The following FAF1 variants were observed in gnomAD, a reference collection of about 807,000 sequenced individuals.
FAF1 encodes FAS-associated factor 1.
A neutral mutation model predicts 92.5 loss-of-function variants in FAF1; 25 were observed. That is an observed-to-expected ratio of 0.27 (90% CI 0.20 to 0.38). FAF1 has a LOEUF of 0.38. Ranked by LOEUF, FAF1 falls within the 10% of genes least tolerant of loss-of-function variation. FAF1 has a pLI of 1.00. For missense variants in FAF1, 636 were observed against 793.3 expected (o/e 0.80, Z 2.38); for synonymous variants, 234 against 273.2 (o/e 0.86, Z 1.42).
At chr1:50,452,614 T>C (rs1646307550) in intron 18 of FAF1, among the ~76,000 whole-genome samples, 1 of 152,170 alleles carries the variant, frequency 6.6e-6, no homozygotes, top group African/African-American at 2.4e-5. Flanking sequence ...TGCTAACCAC[T>C]GTGTTTGGAA....
chr1:50,657,575 C>T (rs985363313), intron 7 of FAF1, among the ~76,000 whole-genome samples: 1 of 152,098 alleles, frequency 6.6e-6, no homozygotes, highest in South Asian at 2.1e-4. Flanking sequence ...AAACAAAACC[C>T]AAAAACTTCA....
intron 1 of FAF1, among the ~76,000 whole-genome samples, chr1:50,918,178 T>C (rs1644934907): frequency 6.6e-6 from 1 of 151,528 alleles, no homozygotes; most frequent in African/African-American, 2.4e-5. Context: ...AAATTTCTTT[T>C]TTTTTTTTTT....
At chr1:50,894,581 C>A (rs940060829) in intron 1 of FAF1, among the ~76,000 whole-genome samples, 1 of 151,282 alleles carries the variant, frequency 6.6e-6, no homozygotes, top group Non-Finnish European at 1.5e-5. Context: ...CTCATTAGCA[C>A]ATAAATCATT....
intron 18 of FAF1, among the ~76,000 whole-genome samples, chr1:50,465,120 G>A (rs374243594): frequency 2.0e-5 from 3 of 152,234 alleles, no homozygotes; most frequent in South Asian, 2.1e-4. Flanking sequence ...AATCACTACC[G>A]TCACATTTAA....
At chr1:50,956,641 C>T (rs1645269199) in intron 1 of FAF1, among the ~76,000 whole-genome samples, 1 of 152,170 alleles carries the variant, frequency 6.6e-6, no homozygotes, top group Admixed American at 6.5e-5. Flanking sequence ...AAGTCTTAAG[C>T]TGCAATCCTT....
At chr1:50,646,787 C>G (rs965839918) in intron 8 of FAF1, among the ~76,000 whole-genome samples, 8 of 152,186 alleles carry the variant, frequency 5.3e-5, no homozygotes, top group African/African-American at 1.7e-4. Context: ...AGGGCCAGCA[C>G]AGTTACTGGC....
intron 16 of FAF1, 145 bp downstream of exon 16, chr1:50,491,576 T>G (rs1281472581): frequency 3.5e-6 from 2 of 573,474 alleles, no homozygotes; most frequent in Non-Finnish European, 6.2e-6. Context: ...TTAATAACCA[T>G]GGATAGGATT....
chr1:50,679,414 T>G (rs1285993649), intron 7 of FAF1, among the ~76,000 whole-genome samples: 2 of 150,210 alleles, frequency 1.3e-5, no homozygotes, highest in Non-Finnish European at 3.0e-5. Flanking sequence ...GTAACCCTAT[T>G]AAATAGATGG....
chr1:50,935,355 G>T (rs1645077586), intron 1 of FAF1, among the ~76,000 whole-genome samples: 1 of 152,062 alleles, frequency 6.6e-6, no homozygotes, highest in Non-Finnish European at 1.5e-5. Flanking sequence ...TAGATAACTT[G>T]ACTAGCATGT....
chr1:50,644,293 A>G (rs373136849), intron 8 of FAF1, among the ~76,000 whole-genome samples: 3 of 152,360 alleles, frequency 2.0e-5, no homozygotes, highest in East Asian at 1.9e-4. Flanking sequence ...TGCCCTGTGT[A>G]TTCACTGAGG....
At chr1:50,895,803 G>A (rs1450408338) in intron 1 of FAF1, among the ~76,000 whole-genome samples, 1 of 151,946 alleles carries the variant, frequency 6.6e-6, no homozygotes, top group Non-Finnish European at 1.5e-5. Context: ...TATGTTCACT[G>A]CAATAGATAC....
chr1:50,640,087 T>A (rs1358158075), intron 8 of FAF1, among the ~76,000 whole-genome samples: 1 of 152,186 alleles, frequency 6.6e-6, no homozygotes, highest in Non-Finnish European at 1.5e-5. Context: ...TGTGTTAAAA[T>A]TTTTAACATG....
intron 1 of FAF1, among the ~76,000 whole-genome samples, chr1:50,894,877 G>A (rs143068569): frequency 3.9e-5 from 6 of 152,238 alleles, no homozygotes. Flanking sequence ...GCAAAAGCAA[G>A]AGGGAAGTAC....
At chr1:50,698,005 A>T (rs1657307025) in intron 7 of FAF1, among the ~76,000 whole-genome samples, 1 of 152,334 alleles carries the variant, frequency 6.6e-6, no homozygotes, top group Admixed American at 6.5e-5. Context: ...AAGAGGTTGT[A>T]ACCAAATAAC....
chr1:50,931,888 A>AAATAATAAT (rs201964842), intron 1 of FAF1, among the ~76,000 whole-genome samples: 3,796 of 129,344 alleles, frequency 0.029, 67 homozygotes, highest in East Asian at 0.056. Flanking sequence ...ATAAATAAAT[A>AAATAATAAT]AATAATAATA....
At chr1:50,756,713 A>G (rs1410640585) in intron 4 of FAF1, among the ~76,000 whole-genome samples, 1 of 152,220 alleles carries the variant, frequency 6.6e-6, no homozygotes, top group Non-Finnish European at 1.5e-5. Flanking sequence ...GGGAGGCCTC[A>G]CAATCATGCT....
intron 18 of FAF1, among the ~76,000 whole-genome samples, chr1:50,471,870 A>G (rs1646577052): frequency 6.6e-6 from 1 of 152,198 alleles, no homozygotes; most frequent in Admixed American, 6.5e-5. Flanking sequence ...GTAGGCAGAA[A>G]GAAGAGTTGT....
At position 50,727,290 on chromosome 1, in the gene FAF1, A is replaced by G. The variant is rs547937392; in HGVS notation, c.551+11573T>C. On this transcript the variant is annotated intron_variant, in intron 6 of 18. Transcript: ENST00000396153. Reference sequence around the variant, plus strand: ...TTATAAACCAGATACACCTCTATACATATTATACTGTAAATTCTATGAAAG... The same window carrying G: ...TTATAAACCAGATACACCTCTATACGTATTATACTGTAAATTCTATGAAAG... Among the ~76,000 whole-genome samples, 5 of 152,328 alleles carry G rather than the reference A, an allele frequency of 3.3e-5. No individual in the cohort carries two copies. In the South Asian group the frequency reaches 1.0e-3, roughly 32 times the overall value.
At chr1:50,686,484 G>A (rs537808714) in intron 7 of FAF1, among the ~76,000 whole-genome samples, 74 of 152,096 alleles carry the variant, frequency 4.9e-4, no homozygotes, top group Non-Finnish European at 7.5e-4. Context: ...GGAAGTTGCC[G>A]TGAGCTGAGA....
Sources: gnomAD v4.1 joint callset for allele counts (sites outside exome capture counted in the v4.1 genomes callset) on GRCh38, gnomAD v4.1.1 for gene constraint, MANE v1.5 for transcripts, NCBI Gene and HGNC (gene_info 2026-07-23, HGNC 2026-07-21) for gene names.